MTHFD1L: variants seen among roughly 807,000 people sequenced by gnomAD.
MTHFD1L encodes monofunctional C1-tetrahydrofolate synthase, mitochondrial.
In MTHFD1L, 81 loss-of-function variants were observed where a neutral mutation model predicts 119.5. The observed-to-expected ratio is 0.68, with a 90% confidence interval of 0.57 to 0.82. The LOEUF (loss-of-function observed/expected upper bound fraction) is 0.82, where lower values mean the gene tolerates loss of function less well. Ranked by LOEUF, MTHFD1L falls within the 40% of genes least tolerant of loss-of-function variation. The pLI is 0.00. For missense variants in MTHFD1L, 1,125 were observed against 1,253.4 expected (o/e 0.90, Z 1.55); for synonymous variants, 430 against 475.2 (o/e 0.90, Z 1.24).
rs1411372411 is a variant in MTHFD1L, at chr6:150,872,210, C to T, written c.228-3880C>T. On this transcript the variant is annotated intron_variant, in intron 1 of 27. Transcript: ENST00000367321. ...TGTTTTCTTATCATTTGTGTATCCA[C>T]GGGAGTAGCACTTTTAAATTTCTTC... Among the ~76,000 whole-genome samples, 9 of 152,158 alleles carry T rather than the reference C, an allele frequency of 5.9e-5. No homozygotes were observed. In the South Asian group the frequency reaches 1.5e-3, roughly 25 times the overall value.
intron 11 of MTHFD1L, among the ~76,000 whole-genome samples, chr6:150,929,834 T>A (rs1299892373): frequency 1.3e-5 from 2 of 151,408 alleles, no homozygotes; most frequent in African/African-American, 4.9e-5. Flanking sequence ...ACAAAGACCT[T>A]TGAAGGAACA....
At chr6:151,080,202 G>T (rs1158659082) in intron 26 of MTHFD1L, among the ~76,000 whole-genome samples, 1 of 151,978 alleles carries the variant, frequency 6.6e-6, no homozygotes, top group Non-Finnish European at 1.5e-5. Context: ...TAATCCTATT[G>T]GTCTCATAGT....
Position 150,938,963 on chromosome 6 carries a change from G to A in MTHFD1L, c.1440+218G>A, listed in dbSNP as rs140182570. On this transcript the variant is annotated intron_variant, in intron 13 of 27. Transcript: ENST00000367321. The stretch of plus-strand genomic sequence containing the variant: ...ATGGATTTTGTACGTGCTACTTGGC[G>A]TGAATATTCATATACATTGCTGTGG... Among the ~76,000 whole-genome samples, 475 of 152,258 alleles carry A rather than the reference G, an allele frequency of 3.1e-3. 3 individuals carry two copies. The highest frequency in any genetic ancestry group is 0.01 in the African/African-American group (433 of 41,530).
chr6:150,972,564 C>A (rs1285244109), intron 20 of MTHFD1L, among the ~76,000 whole-genome samples: 1 of 152,198 alleles, frequency 6.6e-6, no homozygotes, highest in Non-Finnish European at 1.5e-5. Context: ...ATTGCTCGAG[C>A]CCAGGAGTTT....
intron 26 of MTHFD1L, among the ~76,000 whole-genome samples, chr6:151,061,754 A>T (rs79606876): frequency 0.014 from 2,201 of 152,286 alleles, 47 homozygotes; most frequent in African/African-American, 0.051. Flanking sequence ...CTAGAGAGAA[A>T]GTCTAACCCT....
intron 24 of MTHFD1L, among the ~76,000 whole-genome samples, chr6:151,032,731 C>G (rs1186592657): frequency 6.6e-6 from 1 of 152,214 alleles, no homozygotes; most frequent in African/African-American, 2.4e-5. Flanking sequence ...CCTCCATTGA[C>G]TCAGACTCTT....
At chr6:151,061,836 C>A (rs369604642) in intron 26 of MTHFD1L, among the ~76,000 whole-genome samples, 1 of 152,154 alleles carries the variant, frequency 6.6e-6, no homozygotes, top group Admixed American at 6.5e-5. Context: ...GAGTCCCCAG[C>A]GATGTGGCTT....
Position 151,018,755 on chromosome 6 carries a change from G to A in MTHFD1L, c.2586+3062G>A, listed in dbSNP as rs138635819. Among the ~76,000 whole-genome samples, 838 of 152,254 alleles carry A rather than the reference G, an allele frequency of 5.5e-3. 4 individuals are homozygous for A. The highest frequency in any genetic ancestry group is 0.02 in the Middle Eastern group (6 of 294). ...GAAAGGGTGACAGTGATGGGCATAG[G>A]CACAGATTCCATGCCACACAGGGGA... is the stretch of plus-strand genomic sequence containing the variant. On this transcript the variant is annotated intron_variant, in intron 24 of 27. Transcript: ENST00000367321.
At chr6:151,025,835 A>G (rs1233982400) in intron 24 of MTHFD1L, among the ~76,000 whole-genome samples, 1 of 152,208 alleles carries the variant, frequency 6.6e-6, no homozygotes, top group East Asian at 1.9e-4. Flanking sequence ...AAGAGATGCT[A>G]GGGTATTGAG....
In MTHFD1L at chr6:151,041,981, C is replaced by T. The variant is rs114143561; in HGVS notation, c.2847+4864C>T. The T allele has an allele frequency of 7.1e-3, 2,617 of 369,118 alleles. 72 individuals carry two copies. The highest frequency in any genetic ancestry group is 0.053 in the African/African-American group (2,481 of 46,612). 22.9% of individuals were successfully genotyped at this position (369,118 alleles called of 1,614,324 possible). A position where few individuals can be genotyped will look rare whatever the true frequency, so the allele number is the denominator to read the frequency against. ...ATAGGCCAGGGTTTTTTTTTCCTAC[C>T]ATTGAATTATTTCGTCATGTTCTAT... On this transcript the variant is annotated intron_variant, in intron 26 of 27. Transcript: ENST00000367321.
At chr6:151,046,763 A>G (rs911443473) in intron 26 of MTHFD1L, among the ~76,000 whole-genome samples, 3 of 152,068 alleles carry the variant, frequency 2.0e-5, no homozygotes, top group African/African-American at 4.8e-5. Flanking sequence ...CAGCTAAGCA[A>G]TATATGCAAG....
chr6:151,046,413 T>A (rs1326653935), intron 26 of MTHFD1L, among the ~76,000 whole-genome samples: 1 of 148,542 alleles, frequency 6.7e-6, no homozygotes, highest in Admixed American at 6.7e-5. Flanking sequence ...TGATGAGATG[T>A]TGACTCATAT....
At chr6:151,020,607 G>A (rs1234257841) in intron 24 of MTHFD1L, among the ~76,000 whole-genome samples, 5 of 152,154 alleles carry the variant, frequency 3.3e-5, no homozygotes, top group Admixed American at 1.3e-4. Context: ...ATGGAATAAG[G>A]TGTAGTAGAC....
intron 20 of MTHFD1L, among the ~76,000 whole-genome samples, chr6:150,973,117 A>G (rs1189594965): frequency 6.6e-6 from 1 of 152,268 alleles, no homozygotes; most frequent in African/African-American, 2.4e-5. Flanking sequence ...AACCACACGT[A>G]TACCTATAAT....
At chr6:151,037,481 G>T (rs2094086696) in intron 26 of MTHFD1L, among the ~76,000 whole-genome samples, 1 of 151,992 alleles carries the variant, frequency 6.6e-6, no homozygotes, top group Non-Finnish European at 1.5e-5. Flanking sequence ...ATCACGGTGG[G>T]GTTGACTGCT....
At chr6:150,867,189 C>G (rs1778527811) in intron 1 of MTHFD1L, among the ~76,000 whole-genome samples, 1 of 152,074 alleles carries the variant, frequency 6.6e-6, no homozygotes, top group African/African-American at 2.4e-5. Context: ...TTTTCTTGTT[C>G]TCTGTCTTCT....
At chr6:150,961,089 CT>C (rs35978918) in intron 18 of MTHFD1L, among the ~76,000 whole-genome samples, 4,695 of 113,444 alleles carry the variant, frequency 0.041, 73 homozygotes, top group Non-Finnish European at 0.053. Context: ...TTCCTGTTAA[CT>C]TTTTTTTTTT....
intron 26 of MTHFD1L, chr6:151,041,906 C>G (rs182957238): frequency 2.1e-6 from 1 of 471,222 alleles, no homozygotes; most frequent in Non-Finnish European, 4.3e-6. Flanking sequence ...AGCTTTTTTC[C>G]GCTCCAGATT....
intron 9 of MTHFD1L, among the ~76,000 whole-genome samples, chr6:150,919,194 T>C (rs1329995810): frequency 1.3e-5 from 2 of 151,648 alleles, no homozygotes; most frequent in Non-Finnish European, 2.9e-5. Flanking sequence ...CTGGTTAACT[T>C]AGAAAGAAAA....
Sources: gnomAD v4.1 joint callset for allele counts (sites outside exome capture counted in the v4.1 genomes callset) on GRCh38, gnomAD v4.1.1 for gene constraint, MANE v1.5 for transcripts, NCBI Gene and HGNC (gene_info 2026-07-23, HGNC 2026-07-21) for gene names.